Variants in LEMD3 observed in about 807,000 individuals in gnomAD.
LEMD3 encodes the protein LEM domain containing 3, also known as inner nuclear membrane protein Man1.
LEMD3 carries 33 observed loss-of-function variants against 95.2 expected under a neutral mutation model. The observed-to-expected ratio is 0.35, with a 90% CI of 0.26 to 0.46. The LOEUF is 0.46. Among genes scored for constraint, LEMD3 ranks in the 20% least tolerant of loss-of-function variants. The pLI is 1.00. For synonymous variants in LEMD3, 525 were observed against 474.6 expected, an observed-to-expected ratio of 1.11 and a Z score of -1.38; for missense variants, 1,210 against 1,192.8, an observed-to-expected ratio of 1.01 and a Z score of -0.21.
chr12:65,198,309 C>T (rs543330777), intron 1 of LEMD3, among the ~76,000 whole-genome samples: 111 of 152,244 alleles, frequency 7.3e-4, no homozygotes, highest in African/African-American at 2.5e-3. Flanking sequence ...TTAGCTATTG[C>T]ACAGATGCTT....
rs766893227 is a variant in LEMD3, at chr12:65,170,951, A to G, written c.1355A>G (p.Glu452Gly). ...CCGAAGCTTTCCGAACCCGAAGAGGAACTTCTCCAGCAATTTAAACGGGAG... is the reference window on the plus strand; with the variant it reads ...CCGAAGCTTTCCGAACCCGAAGAGGGACTTCTCCAGCAATTTAAACGGGAG... ...NKPKLSEPEE[E>G]LLQQFKREEV... is the part of the protein sequence containing the mutation. The change falls in exon 1 of 13, where the codon GAA becomes GGA. Residue 452 changes from glutamate (E) to glycine (G), a missense_variant. Around this residue, in one of 2 missense-constraint regions of LEMD3, gnomAD observed 461 missense variants for 569.8 expected, o/e 0.81. Coordinates refer to ENST00000308330, the MANE Select transcript of LEMD3 (RefSeq NM_014319.5). 14 of 1,614,202 alleles carry G rather than the reference A, an allele frequency of 8.7e-6. No individual in the cohort carries two copies. Among genetic ancestry groups the G allele is most frequent in the Non-Finnish European group, 1.0e-5 (12 of 1,180,050 alleles).
In LEMD3 at chr12:65,226,243, G is replaced by T. The variant is rs573477570; in HGVS notation, c.1695+7624G>T. Among the ~76,000 whole-genome samples the T allele has an allele frequency of 6.6e-5, 10 of 152,344 alleles. No individual in the cohort carries two copies. The South Asian group carries it at 2.1e-3, about 32-fold the overall frequency. ...TAGTCTTCTGTTTTCCTTCTGAGGA[G>T]GAAGCCACGAGTTGGGAGTTTCCTC... On this transcript the variant is annotated intron_variant, in intron 4 of 12. Transcript: ENST00000308330.
At chr12:65,171,241 C>T in intron 1 of LEMD3, 123 bp downstream of exon 1, 1 of 1,523,650 alleles carries the variant, frequency 6.6e-7, no homozygotes. Flanking sequence ...AGCAAAAACG[C>T]AACAGTGCGT....
rs1389235605 is a variant in LEMD3, at chr12:65,170,394, C to G, written c.798C>G (p.Asp266Glu). The change falls in exon 1 of 13, where the codon GAC becomes GAG. Residue 266 changes from aspartate (D) to glutamate (E), a missense_variant. Physicochemically the swap from Asp to Glu is conservative, Grantham distance 45. Transcript: ENST00000308330. ...ATTCGGACTCAGAGGAAGAGGACGA[C>G]GACGACGTGGCCTCCAGCAGACAGG... ...ENYSDSEEED[D>E]DDVASSRQVL... The G allele has an allele frequency of 6.2e-7, 1 of 1,614,076 alleles. No individual in the cohort carries two copies. The highest frequency in any genetic ancestry group is 8.5e-7 in the Non-Finnish European group (1 of 1,179,968).
At chr12:65,237,701 T>C (rs1267596335) in intron 4 of LEMD3, among the ~76,000 whole-genome samples, 1 of 152,198 alleles carries the variant, frequency 6.6e-6, no homozygotes, top group Non-Finnish European at 1.5e-5. Context: ...ATTGGAAAGG[T>C]CTTCAAGTAT....
rs139409099 is a variant in LEMD3 at position 65,172,284 on chromosome 12, C to T, written c.1522+1166C>T. Among the ~76,000 whole-genome samples, 676 of 152,324 alleles carry T rather than the reference C, an allele frequency of 4.4e-3. 1 individual carries two copies. Among genetic ancestry groups the T allele is most frequent in the Middle Eastern group, 0.014 (4 of 294 alleles). On this transcript the variant is annotated intron_variant, in intron 1 of 12. Transcript: ENST00000308330. ...CATAATTTCTCAGTGTTAGGTCCCT[C>T]TCTGCATTCTCCCTGAAGGCTTCCT...
intron 4 of LEMD3, among the ~76,000 whole-genome samples, chr12:65,221,963 G>A (rs922445877): frequency 1.5e-4 from 23 of 151,774 alleles, no homozygotes; most frequent in African/African-American, 5.6e-4. Flanking sequence ...GGCTGGTCTC[G>A]AACTCCTGAC....
chr12:65,195,992 C>T (rs1048564085), intron 1 of LEMD3, among the ~76,000 whole-genome samples: 39 of 152,066 alleles, frequency 2.6e-4, no homozygotes. Flanking sequence ...CAGCAAATTT[C>T]TGGGGGTTTT....
intron 4 of LEMD3, among the ~76,000 whole-genome samples, chr12:65,223,021 G>A (rs755663584): frequency 3.0e-4 from 45 of 151,958 alleles, no homozygotes; most frequent in Admixed American, 4.6e-4. Context: ...GATTTCGGTC[G>A]TCTTTAATGT....
intron 12 of LEMD3, 66 bp downstream of exon 12, chr12:65,246,005 G>C: frequency 7.4e-7 from 1 of 1,358,400 alleles, no homozygotes. Context: ...AACTATACCA[G>C]ATTTCAAATA....
At position 65,170,629 on chromosome 12, in the gene LEMD3, G is replaced by C; in HGVS notation, c.1033G>C (p.Gly345Arg). 1 of 1,614,182 alleles carries C rather than the reference G, an allele frequency of 6.2e-7. No individual in the cohort carries two copies. Among genetic ancestry groups the C allele is most frequent in the South Asian group, 1.1e-5 (1 of 91,084 alleles). Residue 345 changes from glycine (G) to arginine (R), a missense_variant, in exon 1 of 13, where the codon GGG (glycine) becomes CGG (arginine). Transcript: ENST00000308330. ...GGCGGCGGCCGCGGAGCAGGGAGGAGGGTGTGATCAAGTGGACTCCAGCCC... is the reference window on the plus strand; with the variant it reads ...GGCGGCGGCCGCGGAGCAGGGAGGACGGTGTGATCAAGTGGACTCCAGCCC... ...EEAAAAEQGG[G>R]CDQVDSSPVP...
chr12:65,211,300 T>C (rs1461481323), intron 2 of LEMD3, among the ~76,000 whole-genome samples: 1 of 152,210 alleles, frequency 6.6e-6, no homozygotes, highest in African/African-American at 2.4e-5. Context: ...GAAGTATGCC[T>C]GTTGCCTGTA....
chr12:65,214,443 A>G lies in LEMD3; in HGVS notation c.1561-1534A>G, dbSNP rs529996974. ...GGAAGGCAAGTAGTAAACTGAATGA[A>G]TAAGTAACTTATCTCAGTCAACCGT... On this transcript the variant is annotated intron_variant, in intron 2 of 12. Coordinates refer to ENST00000308330, the MANE Select transcript of LEMD3 (RefSeq NM_014319.5). Among the ~76,000 whole-genome samples, 5 of 152,344 alleles carry G rather than the reference A, an allele frequency of 3.3e-5. No homozygotes were observed. The East Asian group carries it at 9.6e-4, about 29-fold the overall frequency.
In LEMD3 at chr12:65,218,696, T is replaced by C. The variant is rs111801072; in HGVS notation, c.1695+77T>C. 71 of 859,826 alleles carry C rather than the reference T, an allele frequency of 8.3e-5. No individual in the cohort carries two copies. In the African/African-American group the frequency reaches 1.1e-3, roughly 13 times the overall value. 53.3% of individuals were successfully genotyped at this position (859,826 alleles called of 1,614,324 possible). ...ATCATTGCTACTTGTAAGAATCATA[T>C]GTTTGATTATTTTAATTGTACTGTT... On this transcript the variant is annotated intron_variant, in intron 4 of 12. Transcript: ENST00000308330.
intron 2 of LEMD3, among the ~76,000 whole-genome samples, chr12:65,213,772 A>G (rs529691427): frequency 2.1e-4 from 32 of 152,310 alleles, no homozygotes; most frequent in Admixed American, 1.8e-3. Context: ...ACAGATGCCA[A>G]TGTTCAAATT....
At chr12:65,176,097 A>C (rs936376277) in intron 1 of LEMD3, among the ~76,000 whole-genome samples, 3 of 152,184 alleles carry the variant, frequency 2.0e-5, no homozygotes, top group African/African-American at 7.2e-5. Flanking sequence ...AGTAACCTAA[A>C]ATGGTGTCCC....
Position 65,169,961 on chromosome 12 carries a change from C to T in LEMD3, c.365C>T (p.Pro122Leu), listed in dbSNP as rs1032999011. ...ASGPESLLGGPGGASAAPAAG... is the reference protein window; with the variant it reads ...ASGPESLLGGLGGASAAPAAG... Reference sequence around the variant, plus strand: ...GGCCCAGAGAGCCTCCTGGGAGGGCCCGGGGGCGCCTCCGCCGCCCCCGCG... The same window carrying T: ...GGCCCAGAGAGCCTCCTGGGAGGGCTCGGGGGCGCCTCCGCCGCCCCCGCG... The change falls in exon 1 of 13, where the codon CCC becomes CTC. Residue 122 changes from proline to leucine, a missense_variant. This residue lies in a region of LEMD3 where 749 missense variants were observed against 622.9 expected (regional missense o/e 1.20). Coordinates refer to ENST00000308330, the MANE Select transcript of LEMD3 (RefSeq NM_014319.5). 8.2e-6 allele frequency: 12 copies of T among 1,461,140 alleles called. No homozygotes were observed. The African/African-American group carries it at 1.6e-4, about 20-fold the overall frequency. The allele number at this position is 1,461,140 out of a possible 1,614,324, so 90.5% of individuals were successfully genotyped here.
intron 1 of LEMD3, among the ~76,000 whole-genome samples, chr12:65,204,237 C>T (rs969333899): frequency 7.3e-5 from 11 of 150,632 alleles, no homozygotes; most frequent in Middle Eastern, 3.5e-3. Context: ...CACAGATAAA[C>T]GTGTGCCATG....
chr12:65,211,190 T>G (rs969564006), intron 2 of LEMD3, among the ~76,000 whole-genome samples: 1 of 152,212 alleles, frequency 6.6e-6, no homozygotes, highest in Admixed American at 6.5e-5. Context: ...CTGACACAGA[T>G]TTTCTCTTAA....
Sources: gnomAD v4.1 joint callset for allele counts (sites outside exome capture counted in the v4.1 genomes callset) on GRCh38, gnomAD v4.1.1 for gene constraint, gnomAD v4.1.1 regional missense constraint, MANE v1.5 for transcripts, NCBI Gene and HGNC (gene_info 2026-07-23, HGNC 2026-07-21) for gene names.